HIBCH: variants seen among roughly 807,000 people sequenced by gnomAD.
HIBCH encodes the protein 3-hydroxyisobutyryl-CoA hydrolase.
HIBCH carries 50 observed loss-of-function variants against 58.2 expected under a neutral mutation model. That is an observed-to-expected ratio of 0.86 (90% confidence interval 0.68 to 1.09). The LOEUF (loss-of-function observed/expected upper bound fraction) is 1.09. HIBCH is among the 50% of genes least tolerant of loss of function. The pLI is 0.00. For missense variants in HIBCH, 450 were observed against 449.7 expected (o/e 1.00, Z -0.01); for synonymous variants, 151 against 146.9 (o/e 1.03, Z -0.20).
chr2:190,302,758 A>T (rs562721936), intron 2 of HIBCH, among the ~76,000 whole-genome samples: 1 of 152,234 alleles, frequency 6.6e-6, no homozygotes, highest in East Asian at 1.9e-4. Flanking sequence ...GAGTCTAGTC[A>T]TTGGGGGGAA....
intron 1 of HIBCH, among the ~76,000 whole-genome samples, chr2:190,194,811 A>G (rs916304753): frequency 3.3e-5 from 5 of 151,960 alleles, no homozygotes; most frequent in African/African-American, 1.2e-4. Flanking sequence ...GATTGGCTTA[A>G]CTTAGTAATA....
Position 190,204,924 on chromosome 2 carries a change from A to G in HIBCH, c.*193T>C. 5.1e-6 allele frequency: 3 copies of G among 591,534 alleles called. No individual in the cohort carries two copies. The South Asian group carries it at 5.8e-5, about 12-fold the overall frequency. The allele number at this position is 591,534 out of a possible 1,614,324, so 36.6% of individuals were successfully genotyped here. A position where few individuals can be genotyped will look rare whatever the true frequency, so the allele number is the denominator to read the frequency against. On this transcript the variant is annotated 3_prime_UTR_variant, in exon 14 of 14. Transcript: ENST00000359678. Reference sequence around the variant, plus strand: ...AGATGAGTATAGCTAGTTCCAATAAAGCTTTATTTGTGAATTCTGATAATT... The same window carrying G: ...AGATGAGTATAGCTAGTTCCAATAAGGCTTTATTTGTGAATTCTGATAATT...
chr2:190,308,369 A>G (rs1688469957), intron 2 of HIBCH, among the ~76,000 whole-genome samples: 1 of 152,174 alleles, frequency 6.6e-6, no homozygotes, highest in Non-Finnish European at 1.5e-5. Context: ...GCCCCCTCCC[A>G]AACTCCTGTT....
intron 11 of HIBCH, among the ~76,000 whole-genome samples, chr2:190,239,058 G>A (rs1380986199): frequency 6.6e-6 from 1 of 152,090 alleles, no homozygotes; most frequent in Non-Finnish European, 1.5e-5. Context: ...TGTCCTGAGT[G>A]GTATTGCCTA....
chr2:190,287,625 T>A lies in HIBCH; in HGVS notation c.399A>T (p.Lys133Asn). 1 of 1,611,590 alleles carries A rather than the reference T, an allele frequency of 6.2e-7. No individual in the cohort carries two copies. Among genetic ancestry groups the A allele is most frequent in the Non-Finnish European group, 8.5e-7 (1 of 1,177,908 alleles). Residue 133 changes from lysine to asparagine, a missense_variant, in exon 6 of 14, where the codon AAA becomes AAT. By Grantham distance (94) the Lys-to-Asn change is moderately conservative (BLOSUM62 0). Transcript: ENST00000359678. ...MLNNAVGSCQ[K>N]PYVALIHGIT... ...TTCCATGAATAAGTGCAACATAAGG[T>A]TTCTGGCAAGAACCTGAAAGAAACA...
chr2:190,194,477 T>TACACACACAC (rs3083429), intron 1 of HIBCH, among the ~76,000 whole-genome samples: 49 of 141,476 alleles, frequency 3.5e-4, no homozygotes, highest in East Asian at 1.4e-3. Context: ...ATCCTGTGTA[T>TACACACACAC]ACACACACAC....
At position 190,205,069 on chromosome 2, in the gene HIBCH, G is replaced by A. The variant is rs1690356433; in HGVS notation, c.*48C>T. On this transcript the variant is annotated 3_prime_UTR_variant, in exon 14 of 14. Coordinates refer to ENST00000359678, the MANE Select transcript of HIBCH (RefSeq NM_014362.4). ...GCAGGCTGGATTTGGCCCACATGCTGTAGATTGCCAACCCATGCTACAAAA... is the reference window on the plus strand; with the variant it reads ...GCAGGCTGGATTTGGCCCACATGCTATAGATTGCCAACCCATGCTACAAAA... The A allele has an allele frequency of 9.7e-7, 1 of 1,026,098 alleles. No homozygotes were observed. The highest frequency in any genetic ancestry group is 3.0e-4 in the Middle Eastern group (1 of 3,300). The allele number at this position is 1,026,098 out of a possible 1,614,324, so 63.6% of individuals were successfully genotyped here.
intron 11 of HIBCH, among the ~76,000 whole-genome samples, chr2:190,235,119 G>T (rs1194039866): frequency 1.3e-5 from 2 of 152,244 alleles, no homozygotes; most frequent in African/African-American, 4.8e-5. Context: ...GGAAGAAGAA[G>T]AGGGCTCCCT....
chr2:190,232,604 T>C (rs1006297089), intron 11 of HIBCH, among the ~76,000 whole-genome samples: 6 of 152,228 alleles, frequency 3.9e-5, no homozygotes, highest in Admixed American at 3.9e-4. Flanking sequence ...GCTACAAGAG[T>C]ACAACTATAC....
intron 11 of HIBCH, among the ~76,000 whole-genome samples, chr2:190,222,266 T>C (rs888565924): frequency 6.6e-6 from 1 of 152,006 alleles, no homozygotes; most frequent in African/African-American, 2.4e-5. Context: ...ACCAAGCAAA[T>C]GGAGTCTGTC....
rs554076701 is a variant in HIBCH at position 190,252,338 on chromosome 2, G to A, written c.518-31C>T. 8.7e-5 allele frequency: 138 copies of A among 1,589,206 alleles called. 1 individual carries two copies. The East Asian group carries it at 2.6e-3, about 30-fold the overall frequency. On this transcript the variant is annotated intron_variant, in intron 7 of 13. Coordinates refer to ENST00000359678, the MANE Select transcript of HIBCH (RefSeq NM_014362.4). The stretch of plus-strand genomic sequence containing the variant: ...ATTAAATGTAACAAAAAGAGATAAT[G>A]GTGATTCAAATGAAAAAGATAAATA...
Position 190,197,314 on chromosome 2 carries a change from T to C in HIBCH, c.*18-7317A>G, listed in dbSNP as rs927156807. Among the ~76,000 whole-genome samples, 2 of 152,180 alleles carry C rather than the reference T, an allele frequency of 1.3e-5. No individual in the cohort carries two copies. The highest frequency in any genetic ancestry group is 4.8e-5 in the African/African-American group (2 of 41,452). The stretch of plus-strand genomic sequence containing the variant: ...GAGTAGTAACTAAATACGAAAGTGT[T>C]CAATGAGATTGCTCCACTCAGGCTG... On this transcript the variant is annotated intron_variant, in intron 1 of 1. Transcript: ENST00000399855. The surrounding 1 kb of genome is among the most constrained non-coding windows in gnomAD (Gnocchi z 4.0).
chr2:190,223,656 G>A (rs1685798576), intron 11 of HIBCH, among the ~76,000 whole-genome samples: 1 of 152,242 alleles, frequency 6.6e-6, no homozygotes. Flanking sequence ...GGCAGGAAAG[G>A]ATAGAATGAG....
chr2:190,203,586 A>G (rs1362721242), downstream of HIBCH: 2 of 153,126 alleles, frequency 1.3e-5, no homozygotes, highest in African/African-American at 4.8e-5. Context: ...TTGTTAACAA[A>G]TATAGAGAAC....
At chr2:190,271,713 A>C (rs902748244) in intron 6 of HIBCH, among the ~76,000 whole-genome samples, 1 of 152,122 alleles carries the variant, frequency 6.6e-6, no homozygotes, top group Non-Finnish European at 1.5e-5. Context: ...TCTTTCTAAA[A>C]TGCAAATCTG....
intron 3 of HIBCH, among the ~76,000 whole-genome samples, chr2:190,295,120 T>G (rs1463845420): frequency 6.6e-6 from 1 of 152,186 alleles, no homozygotes; most frequent in Non-Finnish European, 1.5e-5. Context: ...CCTTTGGGAT[T>G]GGTAAAGACA....
intron 3 of HIBCH, 100 bp downstream of exon 3, chr2:190,296,713 C>T (rs1688111527): frequency 1.8e-6 from 2 of 1,114,916 alleles, no homozygotes; most frequent in Non-Finnish European, 1.4e-6. Flanking sequence ...GATGCATATC[C>T]CAGAGAATTA....
intron 1 of HIBCH, among the ~76,000 whole-genome samples, chr2:190,316,116 G>C (rs1330531801): frequency 2.6e-5 from 4 of 152,066 alleles, no homozygotes; most frequent in Non-Finnish European, 5.9e-5. Flanking sequence ...CTGTGGTATT[G>C]GTCAGCAGCA....
At chr2:190,286,212 G>A (rs1687823774) in intron 6 of HIBCH, among the ~76,000 whole-genome samples, 1 of 152,186 alleles carries the variant, frequency 6.6e-6, no homozygotes, top group African/African-American at 2.4e-5. Context: ...GTTACACACA[G>A]AGGCCAAGAA....
Sources: allele counts gnomAD v4.1 joint callset (sites outside exome capture counted in the v4.1 genomes callset), GRCh38; gene constraint gnomAD v4.1.1; non-coding constraint Gnocchi (gnomAD v3.1); transcripts MANE v1.5; gene names NCBI Gene and HGNC (gene_info 2026-07-23, HGNC 2026-07-21).